COL28A1: variants seen among roughly 807,000 people sequenced by gnomAD.
COL28A1 encodes the protein collagen type XXVIII alpha 1 chain, also known as collagen alpha-1(XXVIII) chain.
COL28A1 carries 161 observed loss-of-function variants against 150.2 expected under a neutral mutation model. That is an observed-to-expected ratio of 1.07 (90% CI 0.94 to 1.22). The LOEUF is 1.22. COL28A1 is among the 50% of genes most tolerant of loss of function. COL28A1 has a pLI of 0.00. For synonymous variants in COL28A1, 552 were observed against 469.7 expected (o/e 1.18, Z -2.26); for missense variants, 1,617 against 1,388.3 (o/e 1.16, Z -2.62).
At chr7:7,400,475 G>A (rs971205006) in intron 27 of COL28A1, among the ~76,000 whole-genome samples, 4 of 152,140 alleles carry the variant, frequency 2.6e-5, no homozygotes, top group South Asian at 2.1e-4. Flanking sequence ...ACTAGGAAAT[G>A]TATTCTCCCC....
chr7:7,516,529 G>T (rs966381028), intron 7 of COL28A1, among the ~76,000 whole-genome samples: 1 of 152,130 alleles, frequency 6.6e-6, no homozygotes, highest in African/African-American at 2.4e-5. Flanking sequence ...ATACAATAGT[G>T]AATATTACAT....
At chr7:7,444,297 G>T in intron 19 of COL28A1, 121 bp downstream of exon 19, 1 of 1,347,236 alleles carries the variant, frequency 7.4e-7, no homozygotes, top group Non-Finnish European at 1.0e-6. Flanking sequence ...GGGATTGTGA[G>T]ATATTTTTTC....
the COL28A1 span, among the ~76,000 whole-genome samples, chr7:7,340,640 T>C: frequency 2.6e-5 from 4 of 152,088 alleles, no homozygotes; most frequent in Admixed American, 2.6e-4. Flanking sequence ...GGAATTGCCA[T>C]TTCCCATCTT....
intron 11 of COL28A1, among the ~76,000 whole-genome samples, chr7:7,495,347 C>A (rs556832625): frequency 6.6e-6 from 1 of 152,194 alleles, no homozygotes; most frequent in African/African-American, 2.4e-5. Context: ...TTGGGCACTG[C>A]GGTTTAGAGT....
chr7:7,416,682 C>G (rs948287076), intron 27 of COL28A1, among the ~76,000 whole-genome samples: 5 of 152,170 alleles, frequency 3.3e-5, no homozygotes, highest in Non-Finnish European at 1.5e-5. Context: ...TGCTTAGATA[C>G]TCAGCCCGAG....
chr7:7,402,510 T>A (rs1015603613), intron 27 of COL28A1, among the ~76,000 whole-genome samples: 3 of 152,140 alleles, frequency 2.0e-5, no homozygotes, highest in Admixed American at 2.0e-4. Flanking sequence ...TTAAAGAAAA[T>A]TGCTTTGTAC....
chr7:7,422,944 T>C (rs1562603304), intron 25 of COL28A1, among the ~76,000 whole-genome samples: 1 of 152,168 alleles, frequency 6.6e-6, no homozygotes, highest in Non-Finnish European at 1.5e-5. Flanking sequence ...TCTACTTTGA[T>C]TAAGAGAGAT....
In COL28A1 at chr7:7,360,511, G is replaced by T; in HGVS notation, c.3084C>A (p.Asp1028Glu). ...CTGGAGCCTTATCATCTTCATCCTGGTCTCTGGTGACACTCAACTACACAA... is the reference window on the plus strand; with the variant it reads ...CTGGAGCCTTATCATCTTCATCCTGTTCTCTGGTGACACTCAACTACACAA... ...EISESLSVTR[D>E]QDEDDKAPEP... Residue 1028 changes from aspartate to glutamate, a missense_variant, in exon 34 of 35, where the codon GAC (aspartate) becomes GAA (glutamate). Asp to Glu is a conservative substitution (Grantham distance 45). Coordinates refer to ENST00000399429, the MANE Select transcript of COL28A1 (RefSeq NM_001037763.3). The T allele has an allele frequency of 6.2e-7, 1 of 1,602,902 alleles. No individual in the cohort carries two copies. Among genetic ancestry groups the T allele is most frequent in the Non-Finnish European group, 8.5e-7 (1 of 1,176,816 alleles).
At chr7:7,384,210 C>T (rs934830761) in intron 27 of COL28A1, among the ~76,000 whole-genome samples, 3 of 152,150 alleles carry the variant, frequency 2.0e-5, no homozygotes, top group African/African-American at 7.2e-5. Flanking sequence ...GAGCCAAACC[C>T]AGTGCAGTAA....
intron 27 of COL28A1, among the ~76,000 whole-genome samples, chr7:7,403,981 G>A (rs796876058): frequency 8.5e-5 from 13 of 152,236 alleles, no homozygotes; most frequent in African/African-American, 3.1e-4. Context: ...GTAATTGCCT[G>A]GTTGCCTGCA....
chr7:7,444,412 T>C lies in COL28A1; in HGVS notation c.1581+6A>G. The C allele has an allele frequency of 6.2e-7, 1 of 1,613,878 alleles. No homozygotes were observed. Among genetic ancestry groups the C allele is most frequent in the Non-Finnish European group, 8.5e-7 (1 of 1,179,886 alleles). ...TACTCCAGTAATACGAAAAACTTGGTGTTACCTTCTTCCCTGCAGCTCCAT... is the reference window on the plus strand; with the variant it reads ...TACTCCAGTAATACGAAAAACTTGGCGTTACCTTCTTCCCTGCAGCTCCAT... On this transcript the variant is annotated splice_donor_region_variant and intron_variant, in intron 19 of 34. Coordinates refer to ENST00000399429, the MANE Select transcript of COL28A1 (RefSeq NM_001037763.3).
intron 13 of COL28A1, among the ~76,000 whole-genome samples, chr7:7,479,996 GA>G (rs899046680): frequency 8.5e-5 from 13 of 152,168 alleles, no homozygotes; most frequent in Admixed American, 6.5e-4. Context: ...ACTTGCCAGA[GA>G]AATAAACCTA....
At chr7:7,376,522 T>A (rs1395235122) in intron 30 of COL28A1, among the ~76,000 whole-genome samples, 1 of 152,172 alleles carries the variant, frequency 6.6e-6, no homozygotes, top group East Asian at 1.9e-4. Context: ...TATAATACAA[T>A]TCTACAAAAT....
intron 19 of COL28A1, 66 bp downstream of exon 19, chr7:7,444,352 G>T: frequency 6.2e-7 from 1 of 1,600,652 alleles, no homozygotes; most frequent in Non-Finnish European, 8.5e-7. Context: ...TCGAGCTCCT[G>T]CAGGACCAAG....
intron 31 of COL28A1, 83 bp downstream of exon 31, chr7:7,375,378 T>G: frequency 1.6e-6 from 2 of 1,279,564 alleles, no homozygotes; most frequent in East Asian, 2.6e-5. Context: ...AATATACATC[T>G]GGACGAACAC....
chr7:7,534,905 G>A (rs929407707), intron 1 of COL28A1, among the ~76,000 whole-genome samples: 3 of 152,084 alleles, frequency 2.0e-5, no homozygotes, highest in African/African-American at 4.8e-5. Flanking sequence ...TGTAGCCAGA[G>A]GACATTTTCA....
chr7:7,357,871 C>G (rs1046358616), downstream of COL28A1: 5 of 152,124 alleles, frequency 3.3e-5, no homozygotes, highest in Admixed American at 3.3e-4. Context: ...ATGCCAACTT[C>G]AAGTGGTTCC....
chr7:7,384,969 G>A (rs1358031203), intron 27 of COL28A1, among the ~76,000 whole-genome samples: 3 of 152,156 alleles, frequency 2.0e-5, no homozygotes, highest in Admixed American at 6.5e-5. Flanking sequence ...TGCAAAACAT[G>A]CTCTAATAGG....
chr7:7,418,645 T>G (rs1391500875), intron 26 of COL28A1, among the ~76,000 whole-genome samples: 1 of 152,156 alleles, frequency 6.6e-6, no homozygotes, highest in African/African-American at 2.4e-5. Flanking sequence ...CCTTCAGAAG[T>G]GCTGGGTTAA....
Sources: allele counts gnomAD v4.1 joint callset (sites outside exome capture counted in the v4.1 genomes callset), GRCh38; gene constraint gnomAD v4.1.1; transcripts MANE v1.5; gene names NCBI Gene and HGNC (gene_info 2026-07-23, HGNC 2026-07-21).